EDAR: variants seen among roughly 807,000 people sequenced by gnomAD.
The protein encoded by EDAR is ectodysplasin A receptor, also known as tumor necrosis factor receptor superfamily member EDAR.
A neutral mutation model predicts 51.3 loss-of-function variants in EDAR; 38 were observed. The observed-to-expected ratio is 0.74, with a 90% CI of 0.57 to 0.97. The LOEUF (loss-of-function observed/expected upper bound fraction) is 0.97, where lower values mean the gene tolerates loss of function less well. EDAR is among the 50% of genes least tolerant of loss of function. The pLI, the probability that EDAR is intolerant of heterozygous loss-of-function variation, is 0.00. For missense variants in EDAR, 528 were observed against 595.0 expected, an observed-to-expected ratio of 0.89 and a Z score of 1.17; for synonymous variants, 227 against 242.1, an observed-to-expected ratio of 0.94 and a Z score of 0.58.
chr2:108,974,436 T>G (rs532334016), intron 1 of EDAR, among the ~76,000 whole-genome samples: 18 of 147,700 alleles, frequency 1.2e-4, no homozygotes, highest in Admixed American at 4.1e-4. Flanking sequence ...GATTACACCA[T>G]GAAAAGTAGA....
At chr2:108,918,841 G>T (rs1282937049) in intron 5 of EDAR, among the ~76,000 whole-genome samples, 8 of 152,190 alleles carry the variant, frequency 5.3e-5, no homozygotes, top group African/African-American at 1.4e-4. Context: ...GAGGGTAAAA[G>T]ATTGCATTTT....
intron 2 of EDAR, 116 bp from the exon 3 acceptor site, chr2:108,930,358 G>A (rs1697343734): frequency 8.5e-7 from 1 of 1,180,526 alleles, no homozygotes; most frequent in African/African-American, 1.5e-5. Context: ...GCTCTGCTGG[G>A]GGCTCGGTCT....
intron 11 of EDAR, 63 bp downstream of exon 11, chr2:108,906,245 G>C (rs1032993565): frequency 1.3e-6 from 2 of 1,582,888 alleles, no homozygotes; most frequent in African/African-American, 2.7e-5. Flanking sequence ...TCAGGGCTCC[G>C]GGCCCAGCCC....
intron 1 of EDAR, among the ~76,000 whole-genome samples, chr2:108,958,814 C>G (rs1171223012): frequency 9.7e-6 from 1 of 103,432 alleles, no homozygotes; most frequent in Non-Finnish European, 1.6e-5. Context: ...AATGTTACAG[C>G]CACTTGGAAG....
intron 11 of EDAR, among the ~76,000 whole-genome samples, chr2:108,905,053 CA>C (rs1696774854): frequency 6.6e-6 from 1 of 152,164 alleles, no homozygotes; most frequent in Middle Eastern, 3.4e-3. Context: ...AAAGACAAAA[CA>C]AAACAAAAAA....
chr2:108,952,140 C>T (rs1697838434), intron 1 of EDAR, among the ~76,000 whole-genome samples: 1 of 152,134 alleles, frequency 6.6e-6, no homozygotes, highest in South Asian at 2.1e-4. Context: ...AAAATGGTGG[C>T]ATTTGATATC....
intron 1 of EDAR, among the ~76,000 whole-genome samples, chr2:108,937,197 CTCT>C (rs1697489708): frequency 6.6e-6 from 1 of 152,248 alleles, no homozygotes; most frequent in Non-Finnish European, 1.5e-5. Flanking sequence ...TAAGCAGCCA[CTCT>C]TCTTTATCAC....
At position 108,896,124 on chromosome 2, in the gene EDAR, A is replaced by G. The variant is rs1206716463; in HGVS notation, c.*783T>C. On this transcript the variant is annotated 3_prime_UTR_variant, in exon 12 of 12. Transcript: ENST00000258443. ...CCCAGGCCAAAGAGTAATGCAGTAA[A>G]TGAAATTGGCTACTGCACACATCCA... 6.6e-6 allele frequency: 1 copy of G among 152,270 alleles called. No homozygotes were observed. The highest frequency in any genetic ancestry group is 1.5e-5 in the Non-Finnish European group (1 of 68,054). 9.4% of individuals were successfully genotyped at this position (152,270 alleles called of 1,614,324 possible). A position where few individuals can be genotyped will look rare whatever the true frequency, so the allele number is the denominator to read the frequency against.
At chr2:108,948,632 T>C (rs1697761758) in intron 1 of EDAR, among the ~76,000 whole-genome samples, 1 of 149,442 alleles carries the variant, frequency 6.7e-6, no homozygotes, top group Admixed American at 6.7e-5. Flanking sequence ...AGAGAGAGAG[T>C]GAAGTGGGGA....
intron 1 of EDAR, among the ~76,000 whole-genome samples, chr2:108,988,560 G>T (rs988222038): frequency 6.6e-6 from 1 of 152,142 alleles, no homozygotes; most frequent in African/African-American, 2.4e-5. Context: ...TTGGAGGCAG[G>T]TACAGAGCCC....
intron 1 of EDAR, among the ~76,000 whole-genome samples, chr2:108,975,532 G>A (rs1056232422): frequency 2.0e-5 from 3 of 152,222 alleles, no homozygotes; most frequent in African/African-American, 7.2e-5. Context: ...ATGCCGGAGT[G>A]AGAAGAGGTG....
chr2:108,965,414 G>A (rs947328366), intron 1 of EDAR, among the ~76,000 whole-genome samples: 13 of 150,550 alleles, frequency 8.6e-5, no homozygotes, highest in Admixed American at 5.3e-4. Flanking sequence ...CCGGGAGGCC[G>A]AGGTCACGCC....
chr2:108,905,449 G>C (rs1273845404), intron 11 of EDAR, among the ~76,000 whole-genome samples: 2 of 144,052 alleles, frequency 1.4e-5, no homozygotes, highest in African/African-American at 5.1e-5. Flanking sequence ...CTCACCCACA[G>C]TATAGTTATT....
intron 4 of EDAR, 127 bp downstream of exon 4, chr2:108,929,070 AG>A (rs1405011595): frequency 2.7e-6 from 3 of 1,112,356 alleles, no homozygotes; most frequent in Non-Finnish European, 4.0e-6. Flanking sequence ...GATGGGACCA[AG>A]GCCAGGTGTG....
chr2:108,952,761 T>G lies in EDAR; in HGVS notation c.-18-21729A>C, dbSNP rs1697849303. ...TGGGTCACATTTTCCTATTTCTTCG[T>G]ATGTGTGGTAATGTTTTATCATATG... On this transcript the variant is annotated intron_variant, in intron 1 of 11. Transcript: ENST00000258443. Among the ~76,000 whole-genome samples the G allele has an allele frequency of 2.6e-5, 4 of 152,234 alleles. 1 individual carries two copies. In the South Asian group the frequency reaches 8.3e-4, roughly 31 times the overall value.
At chr2:108,918,246 C>T (rs1228828366) in intron 5 of EDAR, among the ~76,000 whole-genome samples, 2 of 152,188 alleles carry the variant, frequency 1.3e-5, no homozygotes. Flanking sequence ...CACCGGCACC[C>T]CCTGCACCTG....
chr2:108,933,782 G>A (rs1697415595), intron 1 of EDAR, among the ~76,000 whole-genome samples: 1 of 152,068 alleles, frequency 6.6e-6, no homozygotes, highest in East Asian at 2.0e-4. Context: ...GGGGTGGCGG[G>A]GAGGCAAGGG....
chr2:108,953,245 T>C (rs1274634884), intron 1 of EDAR, among the ~76,000 whole-genome samples: 1 of 152,224 alleles, frequency 6.6e-6, no homozygotes, highest in Non-Finnish European at 1.5e-5. Flanking sequence ...GTGAGGCATC[T>C]GAGCTCTGCT....
At chr2:108,929,095 G>T in intron 4 of EDAR, 103 bp downstream of exon 4, 1 of 1,342,868 alleles carries the variant, frequency 7.4e-7, no homozygotes, top group South Asian at 1.2e-5. Context: ...CTGCACCGAG[G>T]CCTGCAGTAT....
Sources: allele counts gnomAD v4.1 joint callset (sites outside exome capture counted in the v4.1 genomes callset), GRCh38; gene constraint gnomAD v4.1.1; transcripts MANE v1.5; gene names NCBI Gene and HGNC (gene_info 2026-07-23, HGNC 2026-07-21).